CHSY3: variants seen among roughly 807,000 people sequenced by gnomAD.
CHSY3 encodes the protein chondroitin sulfate synthase 3, also known as N-acetylgalactosaminyl-proteoglycan 3-beta-glucuronosyltransferase 3.
A neutral mutation model predicts 67.2 loss-of-function variants in CHSY3; 35 were observed. That is an observed-to-expected ratio of 0.52 (90% CI 0.40 to 0.69). The LOEUF (loss-of-function observed/expected upper bound fraction) is 0.69. CHSY3 is among the 30% of genes least tolerant of loss of function. The pLI is 0.00. For synonymous variants in CHSY3, 474 were observed against 434.7 expected, an observed-to-expected ratio of 1.09 and a Z score of -1.12; for missense variants, 1,069 against 1,138.5, an observed-to-expected ratio of 0.94 and a Z score of 0.88.
At chr5:129,905,960 A>G (rs2431204) in intron 1 of CHSY3, 30,404 of 345,188 alleles carry the variant, frequency 0.088, 1,612 homozygotes, top group African/African-American at 0.15. Flanking sequence ...ACCAAAGGCC[A>G]TTCCCACTCT....
At chr5:130,117,210 G>A (rs1767838979) in intron 2 of CHSY3, among the ~76,000 whole-genome samples, 1 of 152,198 alleles carries the variant, frequency 6.6e-6, no homozygotes, top group Non-Finnish European at 1.5e-5. Flanking sequence ...ATTGGTGGGA[G>A]TGGGAAAGTG....
chr5:129,950,807 A>G (rs1011245659), intron 2 of CHSY3, among the ~76,000 whole-genome samples: 1 of 152,220 alleles, frequency 6.6e-6, no homozygotes, highest in Non-Finnish European at 1.5e-5. Flanking sequence ...TAAATAACAC[A>G]GTCAATATGT....
At chr5:130,006,362 G>A (rs1763873814) in intron 2 of CHSY3, among the ~76,000 whole-genome samples, 1 of 152,126 alleles carries the variant, frequency 6.6e-6, no homozygotes, top group African/African-American at 2.4e-5. Context: ...GAAGTGTCAG[G>A]CTAAAGTGTT....
intron 2 of CHSY3, among the ~76,000 whole-genome samples, chr5:130,058,454 C>T (rs1387830398): frequency 6.6e-6 from 1 of 152,028 alleles, no homozygotes; most frequent in Non-Finnish European, 1.5e-5. Flanking sequence ...ATGGTAAAAC[C>T]CCATCTCTAC....
In CHSY3 at chr5:129,904,883, G is replaced by A; in HGVS notation, c.54G>A (p.Leu18=). 2 of 1,521,172 alleles carry A rather than the reference G, an allele frequency of 1.3e-6. No individual in the cohort carries two copies. The highest frequency in any genetic ancestry group is 5.0e-5 in the East Asian group (2 of 40,096). 94.2% of individuals were successfully genotyped at this position (1,521,172 alleles called of 1,614,324 possible). A position where few individuals can be genotyped will look rare whatever the true frequency, so the allele number is the denominator to read the frequency against. ...TGAGCGTGGCATTAGGGCTGGTGCT[G>A]GGCTTCACCGCCGCGTCCTGGCTCA... The part of the protein sequence containing the change: ...PWMSVALGLV[L]GFTAASWLIA... Residue 18 remains leucine, a synonymous_variant, in exon 1 of 3, where the codon CTG becomes CTA. Coordinates refer to ENST00000305031, the MANE Select transcript of CHSY3 (RefSeq NM_175856.5).
intron 2 of CHSY3, among the ~76,000 whole-genome samples, chr5:130,156,972 G>C (rs1340416597): frequency 5.3e-5 from 8 of 152,188 alleles, no homozygotes. Context: ...AAGAAACTGG[G>C]GTTAAATTCC....
intron 2 of CHSY3, among the ~76,000 whole-genome samples, chr5:130,130,710 C>G (rs1768454266): frequency 6.6e-6 from 1 of 152,272 alleles, no homozygotes; most frequent in African/African-American, 2.4e-5. Context: ...AATTCTGTTC[C>G]CTTTTCTCTT....
intron 2 of CHSY3, among the ~76,000 whole-genome samples, chr5:130,118,727 G>A (rs1351931787): frequency 6.6e-6 from 1 of 152,016 alleles, no homozygotes; most frequent in African/African-American, 2.4e-5. Flanking sequence ...TAATGGAGGT[G>A]AAATTTTCTT....
intron 2 of CHSY3, among the ~76,000 whole-genome samples, chr5:130,161,674 T>C (rs1769547885): frequency 6.6e-6 from 1 of 152,202 alleles, no homozygotes; most frequent in African/African-American, 2.4e-5. Context: ...ATAAACTTGT[T>C]ATAATAAAGA....
At chr5:130,034,375 A>G (rs1489696290) in intron 2 of CHSY3, among the ~76,000 whole-genome samples, 1 of 152,170 alleles carries the variant, frequency 6.6e-6, no homozygotes, top group East Asian at 1.9e-4. Context: ...TATGAGAGGT[A>G]CAACTTCACA....
At position 129,905,022 on chromosome 5, in the gene CHSY3, C is replaced by T; in HGVS notation, c.193C>T (p.Gln65Ter). The change falls in exon 1 of 3, where the codon CAG becomes TAG. Residue 65 changes from glutamine (Q) to a stop codon, truncating the protein, a stop_gained. Transcript: ENST00000305031. LOFTEE classifies it high-confidence loss of function. Reference sequence around the variant, plus strand: ...CGCCGGCGCTCAGCAGCCGCTCCCCCAGCCCCAGTCCCGACCACGGCAGGA... The same window carrying T: ...CGCCGGCGCTCAGCAGCCGCTCCCCTAGCCCCAGTCCCGACCACGGCAGGA... The part of the protein sequence containing the change: ...PRAGAQQPLP[Q>*]PQSRPRQEQS... 1 of 1,563,022 alleles carries T rather than the reference C, an allele frequency of 6.4e-7. No homozygotes were observed. Among genetic ancestry groups the T allele is most frequent in the Non-Finnish European group, 8.6e-7 (1 of 1,160,944 alleles).
At chr5:129,947,468 C>A (rs10044593) in intron 2 of CHSY3, among the ~76,000 whole-genome samples, 12 of 151,596 alleles carry the variant, frequency 7.9e-5, no homozygotes, top group African/African-American at 2.9e-4. Context: ...ACTAAAAATA[C>A]AAAAATTAGC....
At chr5:129,927,615 G>A (rs925946609) in intron 2 of CHSY3, among the ~76,000 whole-genome samples, 2 of 152,034 alleles carry the variant, frequency 1.3e-5, no homozygotes, top group Non-Finnish European at 2.9e-5. Context: ...AATGATTGAA[G>A]GAAAATGCAT....
intron 2 of CHSY3, among the ~76,000 whole-genome samples, chr5:130,027,778 A>G (rs781417391): frequency 6.6e-6 from 1 of 152,118 alleles, no homozygotes; most frequent in Non-Finnish European, 1.5e-5. Context: ...AGCTTCATCC[A>G]TGTCCCTACA....
intron 2 of CHSY3, among the ~76,000 whole-genome samples, chr5:129,949,744 C>T (rs1405683689): frequency 6.6e-6 from 1 of 152,266 alleles, no homozygotes; most frequent in Admixed American, 6.5e-5. Context: ...TTTAATAGCA[C>T]TTTACAAACA....
chr5:129,916,911 C>A (rs986861877), intron 2 of CHSY3, among the ~76,000 whole-genome samples: 6 of 151,976 alleles, frequency 3.9e-5, no homozygotes, highest in Non-Finnish European at 8.8e-5. Flanking sequence ...CATGAAATAT[C>A]TCTAGTTGGG....
intron 2 of CHSY3, among the ~76,000 whole-genome samples, chr5:129,930,512 G>A (rs956800658): frequency 4.1e-5 from 6 of 147,898 alleles, no homozygotes; most frequent in African/African-American, 9.9e-5. Flanking sequence ...CACTGGCGGG[G>A]GGGGGGTATG....
At chr5:130,045,992 A>C (rs1294963453) in intron 2 of CHSY3, among the ~76,000 whole-genome samples, 1 of 151,672 alleles carries the variant, frequency 6.6e-6, no homozygotes, top group Non-Finnish European at 1.5e-5. Context: ...GCTTCAATCT[A>C]CTCTTCTGCT....
chr5:129,940,894 G>C (rs1561464706), intron 2 of CHSY3, among the ~76,000 whole-genome samples: 1 of 152,108 alleles, frequency 6.6e-6, no homozygotes, highest in Non-Finnish European at 1.5e-5. Flanking sequence ...TAATGTAAGT[G>C]TTCTGGACGC....
Sources: gnomAD v4.1 joint callset for allele counts (sites outside exome capture counted in the v4.1 genomes callset) on GRCh38, gnomAD v4.1.1 for gene constraint, MANE v1.5 for transcripts, NCBI Gene and HGNC (gene_info 2026-07-23, HGNC 2026-07-21) for gene names.